The following EGFL6 variants were observed in gnomAD, a reference collection of about 807,000 sequenced individuals.
The protein encoded by EGFL6 is EGF like domain multiple 6, also known as epidermal growth factor-like protein 6.
A neutral mutation model predicts 43.1 loss-of-function variants in EGFL6; 42 were observed. The ratio of observed to expected loss-of-function variants is 0.98; its 90% CI spans 0.76 to 1.26. The LOEUF (loss-of-function observed/expected upper bound fraction) is 1.26. EGFL6 is among the 50% of genes most tolerant of loss of function. EGFL6 has a pLI of 0.00. For missense variants in EGFL6, 429 were observed against 427.8 expected (o/e 1.00, Z -0.02); for synonymous variants, 164 against 163.2 (o/e 1.01, Z -0.04).
chrX:13,616,623 A>C (rs1428851329), intron 7 of EGFL6, among the ~76,000 whole-genome samples: 1 of 110,243 alleles, frequency 9.1e-6, no homozygotes, highest in Non-Finnish European at 1.9e-5. Flanking sequence ...AAAAAAAAAA[A>C]GAAAGAAAAG....
intron 9 of EGFL6, among the ~76,000 whole-genome samples, chrX:13,621,532 C>T (rs1355179161): frequency 8.9e-6 from 1 of 112,077 alleles, no homozygotes; most frequent in Non-Finnish European, 1.9e-5. Flanking sequence ...TCCAAACTGA[C>T]TTTAGTCCAC....
chrX:13,623,916 C>T lies in EGFL6; in HGVS notation c.1276C>T (p.Arg426Ter), dbSNP rs767962439. 2.4e-5 allele frequency: 28 copies of T among 1,187,737 alleles called. No individual in the cohort carries two copies. Among genetic ancestry groups the T allele is most frequent in the Non-Finnish European group, 3.0e-5 (26 of 875,747 alleles). ...TGATTTTGACTGGAATCCTGCTGAT[C>T]GAGATAATGGTATTTATATTTGACA... ...EDDFDWNPAD[R>*]DNAIGFYMAV... The change falls in exon 10 of 12, where the codon CGA (arginine) becomes TGA (stop). Residue 426 changes from arginine to a stop codon, truncating the protein, a stop_gained. Transcript: ENST00000361306. LOFTEE classifies it high-confidence loss of function.
intron 1 of EGFL6, among the ~76,000 whole-genome samples, chrX:13,580,478 A>G (rs1457173365): frequency 9.0e-6 from 1 of 111,529 alleles, no homozygotes; most frequent in Admixed American, 9.5e-5. Context: ...AACAAACAGC[A>G]TCCAAACTGG....
At chrX:13,599,214 T>C (rs1478113755) in intron 3 of EGFL6, among the ~76,000 whole-genome samples, 1 of 111,045 alleles carries the variant, frequency 9.0e-6, no homozygotes, top group Admixed American at 9.7e-5. Flanking sequence ...TAAATTATTG[T>C]TCAAGTAGTA....
intron 3 of EGFL6, among the ~76,000 whole-genome samples, chrX:13,598,968 A>G (rs1393241631): frequency 1.9e-5 from 2 of 104,195 alleles, no homozygotes; most frequent in Non-Finnish European, 3.9e-5. Context: ...ATTTTTTTAA[A>G]TCATCCAGCC....
At chrX:13,592,821 A>T (rs780115950) in intron 2 of EGFL6, among the ~76,000 whole-genome samples, 118 of 81,748 alleles carry the variant, frequency 1.4e-3, no homozygotes, top group African/African-American at 5.0e-3. Flanking sequence ...AGGTCTAGAG[A>T]ATAGCAAGCA....
chrX:13,584,670 T>C (rs1010202858), intron 1 of EGFL6, among the ~76,000 whole-genome samples: 3 of 112,097 alleles, frequency 2.7e-5, no homozygotes, highest in African/African-American at 9.7e-5. Context: ...TGCTAACATC[T>C]ACCCGATGGT....
At chrX:13,624,823 A>G (rs2045769706) in intron 10 of EGFL6, among the ~76,000 whole-genome samples, 1 of 111,789 alleles carries the variant, frequency 8.9e-6, no homozygotes, top group Non-Finnish European at 1.9e-5. Context: ...GAAAACCTAG[A>G]TATCCCCTAA....
At chrX:13,596,820 T>C (rs1030044544) in intron 3 of EGFL6, among the ~76,000 whole-genome samples, 1 of 112,292 alleles carries the variant, frequency 8.9e-6, no homozygotes, top group African/African-American at 3.2e-5. Flanking sequence ...GCAAAGCACC[T>C]TACACAATGC....
At chrX:13,600,719 G>A (rs1395395831) in intron 4 of EGFL6, among the ~76,000 whole-genome samples, 1 of 90,476 alleles carries the variant, frequency 1.1e-5, no homozygotes, top group East Asian at 3.4e-4. Context: ...CCAACATGAC[G>A]AAACCCTGTC....
In EGFL6 at chrX:13,627,113, G is replaced by T. The variant is rs781079764; in HGVS notation, c.1388G>T (p.Cys463Phe). The change falls in exon 11 of 12, where the codon TGT becomes TTT. Residue 463 changes from cysteine (C) to phenylalanine (F), a missense_variant. By Grantham distance (205) the Cys-to-Phe change is radical (BLOSUM62 -2). Transcript: ENST00000361306. Reference sequence around the variant, plus strand: ...GACCTGCAACCCCAAAGCAACTTCTGTTTGCTCTTTGATTACCGGCTGGCC... The same window carrying T: ...GACCTGCAACCCCAAAGCAACTTCTTTTTGCTCTTTGATTACCGGCTGGCC... ...LPDLQPQSNF[C>F]LLFDYRLAGD... The T allele has an allele frequency of 8.3e-7, 1 of 1,212,038 alleles. No homozygotes were observed.
chrX:13,596,790 G>T (rs774755468), intron 3 of EGFL6, among the ~76,000 whole-genome samples: 29 of 112,210 alleles, frequency 2.6e-4, no homozygotes, highest in African/African-American at 2.9e-4. Context: ...GGTGTCTAAT[G>T]GGTAGAGATC....
chrX:13,623,029 A>AG (rs2146708009), intron 9 of EGFL6, among the ~76,000 whole-genome samples: 1 of 110,385 alleles, frequency 9.1e-6, no homozygotes, highest in East Asian at 2.8e-4. Context: ...GTACAAAAAA[A>AG]AAATTTAAAA....
intron 3 of EGFL6, among the ~76,000 whole-genome samples, chrX:13,598,715 T>C (rs2146970516): frequency 9.3e-6 from 1 of 107,693 alleles, no homozygotes; most frequent in South Asian, 4.0e-4. Context: ...TTTAAACCAA[T>C]TTTGGAATGA....
At chrX:13,600,280 C>CTTCTTTTTTTTT (rs1326551826) in intron 4 of EGFL6, among the ~76,000 whole-genome samples, 186 bp downstream of exon 4, 49 of 44,285 alleles carry the variant, frequency 1.1e-3, no homozygotes, top group East Asian at 4.1e-3. Flanking sequence ...TTTCTTTCTT[C>CTTCTTTTTTTTT]TTTTTTTTTT....
intron 7 of EGFL6, among the ~76,000 whole-genome samples, chrX:13,612,925 G>A (rs1239166609): frequency 9.1e-6 from 1 of 110,266 alleles, no homozygotes; most frequent in Non-Finnish European, 1.9e-5. Context: ...CGGGTGGATT[G>A]CCTGAGCTCA....
chrX:13,613,950 G>T (rs1321072080), intron 7 of EGFL6, among the ~76,000 whole-genome samples: 1 of 111,427 alleles, frequency 9.0e-6, no homozygotes, highest in African/African-American at 3.3e-5. Flanking sequence ...TATGGCCTGG[G>T]AATTTTTCTA....
chrX:13,632,502 C>A (rs986412420), intron 11 of EGFL6, among the ~76,000 whole-genome samples: 6 of 108,419 alleles, frequency 5.5e-5, no homozygotes, highest in African/African-American at 2.0e-4. Flanking sequence ...CGGGGTTTCA[C>A]TGTGTGTTAG....
chrX:13,586,258 T>A (rs2045533113), intron 1 of EGFL6, among the ~76,000 whole-genome samples: 1 of 111,833 alleles, frequency 8.9e-6, no homozygotes, highest in South Asian at 3.7e-4. Flanking sequence ...CTGGTGAGGA[T>A]GTGGAGAAAT....
Sources: allele counts gnomAD v4.1 joint callset (sites outside exome capture counted in the v4.1 genomes callset), GRCh38; gene constraint gnomAD v4.1.1; transcripts MANE v1.5; gene names NCBI Gene and HGNC (gene_info 2026-07-23, HGNC 2026-07-21).